The following IL1RAPL1 variants were observed in gnomAD, a reference collection of about 807,000 sequenced individuals.
The protein encoded by IL1RAPL1 is interleukin-1 receptor accessory protein-like 1.
Under a neutral mutation model 48.4 loss-of-function variants are expected in IL1RAPL1, and 3 were observed. The observed-to-expected ratio is 0.06, with a 90% CI of 0.03 to 0.16. The LOEUF is 0.16. Among genes scored for constraint, IL1RAPL1 ranks in the 10% least tolerant of loss-of-function variants. The pLI, the probability that IL1RAPL1 is intolerant of heterozygous loss-of-function variation, is 1.00. For synonymous variants in IL1RAPL1, 185 were observed against 187.7 expected (o/e 0.99, Z 0.12); for missense variants, 349 against 530.6 (o/e 0.66, Z 3.36).
intron 2 of IL1RAPL1, among the ~76,000 whole-genome samples, chrX:28,985,077 A>G (rs1569213575): frequency 9.0e-6 from 1 of 111,653 alleles, no homozygotes; most frequent in Non-Finnish European, 1.9e-5. Context: ...TTAACAGGGG[A>G]AAAGATTTAA....
chrX:29,443,945 C>G (rs1175603440), intron 5 of IL1RAPL1, among the ~76,000 whole-genome samples: 1 of 112,166 alleles, frequency 8.9e-6, no homozygotes, highest in African/African-American at 3.2e-5. Flanking sequence ...TTACTTTTGC[C>G]GATGTCCCAT....
intron 2 of IL1RAPL1, among the ~76,000 whole-genome samples, chrX:29,164,417 G>A (rs1929746256): frequency 8.9e-6 from 1 of 111,784 alleles, no homozygotes; most frequent in Admixed American, 9.6e-5. Flanking sequence ...TGGAGTGAAC[G>A]AATGAATTAA....
chrX:29,449,126 T>A (rs889854625), intron 5 of IL1RAPL1, among the ~76,000 whole-genome samples: 5 of 111,552 alleles, frequency 4.5e-5, no homozygotes, highest in African/African-American at 1.6e-4. Context: ...AACGATCCAA[T>A]GAAAGGTACT....
At chrX:28,922,047 G>T (rs1923627619) in intron 2 of IL1RAPL1, among the ~76,000 whole-genome samples, 1 of 111,478 alleles carries the variant, frequency 9.0e-6, no homozygotes, top group African/African-American at 3.3e-5. Context: ...AAGGAGTTGG[G>T]CTGGGTGCGG....
intron 6 of IL1RAPL1, among the ~76,000 whole-genome samples, chrX:29,706,696 G>A (rs949640072): frequency 8.9e-6 from 1 of 111,852 alleles, no homozygotes; most frequent in African/African-American, 3.3e-5. Context: ...ATCAAGTGGG[G>A]AAAGGACACC....
At chrX:29,908,408 T>C (rs1206906889) in intron 6 of IL1RAPL1, among the ~76,000 whole-genome samples, 1 of 108,708 alleles carries the variant, frequency 9.2e-6, no homozygotes, top group Non-Finnish European at 1.9e-5. Context: ...GCAAACTTTT[T>C]TAATAATTTT....
At chrX:29,784,450 T>C (rs1321155520) in intron 6 of IL1RAPL1, among the ~76,000 whole-genome samples, 1 of 111,696 alleles carries the variant, frequency 9.0e-6, no homozygotes, top group Non-Finnish European at 1.9e-5. Context: ...TGGCTATTCA[T>C]ACACAGGTAT....
chrX:29,515,570 A>G (rs891520142), intron 5 of IL1RAPL1, among the ~76,000 whole-genome samples: 3 of 112,372 alleles, frequency 2.7e-5, no homozygotes, highest in Non-Finnish European at 5.6e-5. Context: ...GAATATATCA[A>G]TAGTTTGTTC....
intron 5 of IL1RAPL1, among the ~76,000 whole-genome samples, chrX:29,429,892 GTGGTGTGTGTGTGTGTGTGTGT>G (rs1430442189): frequency 3.2e-5 from 2 of 62,520 alleles, no homozygotes; most frequent in East Asian, 1.5e-3. Context: ...GTGTGTGTGT[GTGGTGTGTGTGTGTGTGTGTGT>G]GTGTGTGTGT....
chrX:28,676,409 T>G (rs933293733), intron 1 of IL1RAPL1, among the ~76,000 whole-genome samples: 1 of 111,598 alleles, frequency 9.0e-6, no homozygotes, highest in African/African-American at 3.3e-5. Flanking sequence ...CTATGCAATA[T>G]TTTTTTATTT....
At chrX:29,354,304 A>T (rs969832093) in intron 3 of IL1RAPL1, among the ~76,000 whole-genome samples, 3 of 111,216 alleles carry the variant, frequency 2.7e-5, no homozygotes, top group African/African-American at 9.8e-5. Flanking sequence ...GATGACAATG[A>T]CTACTTTTAA....
intron 3 of IL1RAPL1, among the ~76,000 whole-genome samples, chrX:29,381,831 AAAATATATAT>A (rs1440129632): frequency 0.01 from 266 of 25,645 alleles, no homozygotes; most frequent in Non-Finnish European, 0.019. Flanking sequence ...AAAAAAAAAA[AAAATATATAT>A]ATATATATAT....
intron 2 of IL1RAPL1, among the ~76,000 whole-genome samples, chrX:28,952,528 A>G (rs988068578): frequency 9.0e-5 from 10 of 111,038 alleles, no homozygotes; most frequent in African/African-American, 1.3e-4. Context: ...TAGAATACAC[A>G]TTTTCTCATC....
intron 1 of IL1RAPL1, among the ~76,000 whole-genome samples, chrX:28,750,785 A>G (rs1289896348): frequency 8.9e-6 from 1 of 112,255 alleles, no homozygotes; most frequent in African/African-American, 3.2e-5. Context: ...TATTTGGTTG[A>G]TAAGTATATT....
At chrX:29,941,878 G>A (rs377351095) in intron 9 of IL1RAPL1, 84 bp downstream of exon 9, 7 of 880,022 alleles carry the variant, frequency 8.0e-6, no homozygotes, top group Middle Eastern at 7.3e-4. Context: ...AAAAAATTAC[G>A]TGCATAATCA....
At chrX:28,682,218 T>G in intron 1 of IL1RAPL1, among the ~76,000 whole-genome samples, 1 of 112,217 alleles carries the variant, frequency 8.9e-6, no homozygotes, top group East Asian at 2.8e-4. Flanking sequence ...TGTTTCCACT[T>G]TTTGGCTATT....
At chrX:29,438,542 T>G (rs188746831) in intron 5 of IL1RAPL1, among the ~76,000 whole-genome samples, 25 of 111,099 alleles carry the variant, frequency 2.3e-4, no homozygotes, top group African/African-American at 7.8e-4. Flanking sequence ...CTCTTAGCAC[T>G]GCTTTGGCTA....
chrX:29,186,937 C>T (rs955002527), intron 2 of IL1RAPL1, among the ~76,000 whole-genome samples: 12 of 110,492 alleles, frequency 1.1e-4, no homozygotes, highest in South Asian at 3.8e-4. Flanking sequence ...CACATGAACA[C>T]ATGGAGGGGA....
At chrX:29,024,818 G>T (rs1926449215) in intron 2 of IL1RAPL1, among the ~76,000 whole-genome samples, 1 of 111,639 alleles carries the variant, frequency 9.0e-6, no homozygotes, top group Non-Finnish European at 1.9e-5. Context: ...AATTCATATA[G>T]CTACAATTCA....
Sources: gnomAD v4.1 joint callset for allele counts (sites outside exome capture counted in the v4.1 genomes callset) on GRCh38, gnomAD v4.1.1 for gene constraint, MANE v1.5 for transcripts, NCBI Gene and HGNC (gene_info 2026-07-23, HGNC 2026-07-21) for gene names.